The following SOX5 variants were observed in gnomAD, a reference collection of about 807,000 sequenced individuals.
SOX5 encodes the protein transcription factor SOX-5.
A neutral mutation model predicts 92.0 loss-of-function variants in SOX5; 9 were observed. The observed-to-expected ratio is 0.10, with a 90% CI of 0.06 to 0.17. The LOEUF is 0.17. Among genes scored for constraint, SOX5 ranks in the 10% least tolerant of loss-of-function variants. The pLI, the probability that SOX5 is intolerant of heterozygous loss-of-function variation, is 1.00. For missense variants in SOX5, 642 were observed against 944.5 expected (o/e 0.68, Z 4.20); for synonymous variants, 344 against 336.3 (o/e 1.02, Z -0.25).
chr12:23,672,342 ACTC>A (rs1337961029), intron 6 of SOX5, among the ~76,000 whole-genome samples: 4 of 152,066 alleles, frequency 2.6e-5, no homozygotes, highest in African/African-American at 7.2e-5. Flanking sequence ...GCATTGAAGA[ACTC>A]CTATTTAGGA....
At chr12:24,536,657 C>G (rs569777734) in intron 1 of SOX5, among the ~76,000 whole-genome samples, 62 of 152,138 alleles carry the variant, frequency 4.1e-4, no homozygotes, top group Non-Finnish European at 8.2e-4. Flanking sequence ...AGTCTCAGAG[C>G]TCACCCTAAA....
intron 9 of SOX5, among the ~76,000 whole-genome samples, chr12:23,589,400 G>T (rs779371814): frequency 2.6e-5 from 4 of 151,906 alleles, no homozygotes; most frequent in Non-Finnish European, 5.9e-5. Flanking sequence ...TGTATTCACA[G>T]TAAACAAACT....
chr12:23,970,297 C>T (rs1569321071), intron 4 of SOX5, among the ~76,000 whole-genome samples: 2 of 151,206 alleles, frequency 1.3e-5, no homozygotes, highest in African/African-American at 4.9e-5. Context: ...ATGTGTATAA[C>T]ATATATATAT....
intron 4 of SOX5, among the ~76,000 whole-genome samples, chr12:24,076,029 G>T (rs570333353): frequency 9.2e-5 from 14 of 152,236 alleles, no homozygotes; most frequent in African/African-American, 3.1e-4. Flanking sequence ...AAATGAAAAT[G>T]GTTGTAACTT....
intron 4 of SOX5, among the ~76,000 whole-genome samples, chr12:24,168,602 C>A (rs1228992748): frequency 6.6e-6 from 1 of 152,054 alleles, no homozygotes; most frequent in Non-Finnish European, 1.5e-5. Flanking sequence ...TCTCACTCTC[C>A]CAAAATATCA....
At chr12:23,588,430 A>C (rs1951049243) in intron 9 of SOX5, among the ~76,000 whole-genome samples, 1 of 152,024 alleles carries the variant, frequency 6.6e-6, no homozygotes, top group South Asian at 2.1e-4. Flanking sequence ...GAAATAGTCC[A>C]TTAAAATAAT....
At chr12:24,499,522 G>A (rs936615308) in intron 1 of SOX5, among the ~76,000 whole-genome samples, 3 of 152,218 alleles carry the variant, frequency 2.0e-5, no homozygotes, top group Non-Finnish European at 4.4e-5. Context: ...CAGTCTGAAT[G>A]GTACACATCC....
chr12:24,362,921 A>C (rs1325395330), intron 2 of SOX5, among the ~76,000 whole-genome samples: 1 of 152,014 alleles, frequency 6.6e-6, no homozygotes, highest in African/African-American at 2.4e-5. Context: ...TACATATAAT[A>C]AAGTGTCTTG....
chr12:23,890,605 G>T (rs996254651), intron 2 of SOX5, among the ~76,000 whole-genome samples: 1 of 152,016 alleles, frequency 6.6e-6, no homozygotes, highest in Admixed American at 6.6e-5. Context: ...TTCTGATATT[G>T]CTACTTGATT....
At chr12:24,426,874 T>C (rs1380746137) in intron 1 of SOX5, among the ~76,000 whole-genome samples, 1 of 152,182 alleles carries the variant, frequency 6.6e-6, no homozygotes, top group Non-Finnish European at 1.5e-5. Context: ...CCTCATTATT[T>C]ATCTAGTAAA....
chr12:23,957,046 C>T (rs1476600395), intron 4 of SOX5, among the ~76,000 whole-genome samples: 1 of 152,156 alleles, frequency 6.6e-6, no homozygotes, highest in African/African-American at 2.4e-5. Flanking sequence ...TCTATAATCT[C>T]TTCTTTGATA....
chr12:24,535,921 C>T (rs767814346), intron 1 of SOX5, among the ~76,000 whole-genome samples: 1 of 152,058 alleles, frequency 6.6e-6, no homozygotes, highest in African/African-American at 2.4e-5. Context: ...TCACCCCCTC[C>T]CAGATGCCAC....
At chr12:24,262,844 T>C (rs1942362222) in intron 3 of SOX5, among the ~76,000 whole-genome samples, 1 of 152,160 alleles carries the variant, frequency 6.6e-6, no homozygotes, top group Non-Finnish European at 1.5e-5. Flanking sequence ...CTAGAGAGGA[T>C]AGGTAGTAGG....
At chr12:24,209,018 G>A (rs1012301698) in intron 4 of SOX5, among the ~76,000 whole-genome samples, 1 of 152,186 alleles carries the variant, frequency 6.6e-6, no homozygotes, top group African/African-American at 2.4e-5. Flanking sequence ...TTAAGATAAG[G>A]CTTTAGGGAA....
chr12:23,995,147 G>A (rs755055855), intron 4 of SOX5, among the ~76,000 whole-genome samples: 5 of 152,138 alleles, frequency 3.3e-5, no homozygotes, highest in Non-Finnish European at 7.4e-5. Flanking sequence ...ATTTGTGAGA[G>A]TCTTTTCTTG....
At chr12:23,919,605 C>T (rs1407183133) in intron 1 of SOX5, among the ~76,000 whole-genome samples, 2 of 152,182 alleles carry the variant, frequency 1.3e-5, no homozygotes, top group East Asian at 3.9e-4. Flanking sequence ...ACCACCATGC[C>T]AGTGAGTACT....
At position 23,877,405 on chromosome 12, in the gene SOX5, A is replaced by G. The variant is rs971138338; in HGVS notation, c.270+18388T>C. Among the ~76,000 whole-genome samples, 29 of 152,144 alleles carry G rather than the reference A, an allele frequency of 1.9e-4. 1 individual carries two copies. Among genetic ancestry groups the G allele is most frequent in the Non-Finnish European group, 7.4e-5 (5 of 68,010 alleles). ...TTTGGAGATTATTCTTTGAATTTAA[A>G]AAAAATTGTTCATGAGTCCAGTCTG... On this transcript the variant is annotated intron_variant, in intron 2 of 14. Transcript: ENST00000451604.
chr12:23,715,822 A>AAAAAAAAAC (rs2092453452), intron 6 of SOX5, among the ~76,000 whole-genome samples: 3 of 149,502 alleles, frequency 2.0e-5, no homozygotes, highest in African/African-American at 7.6e-5. Flanking sequence ...AAAAAAAAAA[A>AAAAAAAAAC]AAAAAAAAAA....
At chr12:23,717,133 C>T (rs75828483) in intron 6 of SOX5, among the ~76,000 whole-genome samples, 1,941 of 152,302 alleles carry the variant, frequency 0.013, 38 homozygotes, top group African/African-American at 0.044. Flanking sequence ...CCACAGGATT[C>T]CGACAATTGG....
Sources: allele counts gnomAD v4.1 joint callset (sites outside exome capture counted in the v4.1 genomes callset), GRCh38; gene constraint gnomAD v4.1.1; transcripts MANE v1.5; gene names NCBI Gene and HGNC (gene_info 2026-07-23, HGNC 2026-07-21).